Variants in OPCML observed in about 807,000 individuals in gnomAD.
OPCML encodes opioid-binding protein/cell adhesion molecule.
OPCML carries 13 observed loss-of-function variants against 37.8 expected under a neutral mutation model. The observed-to-expected ratio is 0.34, with a 90% confidence interval of 0.22 to 0.55. The LOEUF is 0.55. OPCML is among the 20% of genes least tolerant of loss of function. The pLI, the probability that OPCML is intolerant of heterozygous loss-of-function variation, is 0.91. For missense variants in OPCML, 341 were observed against 435.6 expected (o/e 0.78, Z 1.93); for synonymous variants, 176 against 168.8 (o/e 1.04, Z -0.33).
At chr11:133,069,063 G>A (rs753451153) in intron 1 of OPCML, among the ~76,000 whole-genome samples, 5 of 152,184 alleles carry the variant, frequency 3.3e-5, no homozygotes, top group Non-Finnish European at 7.3e-5. Flanking sequence ...CTCAACCTCA[G>A]ATTTACTGAG....
chr11:132,795,179 G>A (rs1413060254), intron 2 of OPCML, among the ~76,000 whole-genome samples: 3 of 151,726 alleles, frequency 2.0e-5, no homozygotes, highest in Non-Finnish European at 2.9e-5. Context: ...TGAGTACATG[G>A]GTGTTAGCTG....
intron 1 of OPCML, among the ~76,000 whole-genome samples, chr11:133,092,201 C>A (rs949208001): frequency 3.3e-5 from 5 of 152,314 alleles, no homozygotes; most frequent in South Asian, 4.1e-4. Flanking sequence ...CTTCCCCAGA[C>A]ACCAACCTCT....
intron 2 of OPCML, among the ~76,000 whole-genome samples, chr11:132,905,225 CT>C (rs373679886): frequency 9.3e-4 from 82 of 88,366 alleles, no homozygotes; most frequent in East Asian, 2.9e-3. Flanking sequence ...GAAAGCAGTT[CT>C]TTTTTTTTTT....
At chr11:133,093,800 T>C (rs532123678) in intron 1 of OPCML, among the ~76,000 whole-genome samples, 5 of 151,894 alleles carry the variant, frequency 3.3e-5, no homozygotes, top group Admixed American at 6.6e-5. Flanking sequence ...ACAAGAGCCA[T>C]CAGAGTAATG....
At chr11:132,894,158 A>G (rs1187220945) in intron 2 of OPCML, among the ~76,000 whole-genome samples, 2 of 152,160 alleles carry the variant, frequency 1.3e-5, no homozygotes, top group African/African-American at 2.4e-5. Context: ...CCTTGCCTGA[A>G]ATACTTTTCA....
chr11:133,329,913 G>A (rs1303255218), intron 1 of OPCML, among the ~76,000 whole-genome samples: 2 of 152,104 alleles, frequency 1.3e-5, no homozygotes, highest in African/African-American at 4.8e-5. Context: ...CCTACAGAAT[G>A]GGAGAAAATT....
At chr11:133,259,839 A>G (rs57010661) in intron 1 of OPCML, among the ~76,000 whole-genome samples, 50,169 of 152,062 alleles carry the variant, frequency 0.33, 9,296 homozygotes, top group African/African-American at 0.5. Flanking sequence ...CTCATTCAAT[A>G]GATATTTACT....
chr11:132,749,372 CAAG>C (rs932372135), intron 2 of OPCML, among the ~76,000 whole-genome samples: 1 of 152,168 alleles, frequency 6.6e-6, no homozygotes, highest in Non-Finnish European at 1.5e-5. Context: ...GCCTAAGCAA[CAAG>C]AAGAATGAAC....
chr11:132,595,565 T>C (rs2096491183), intron 3 of OPCML, among the ~76,000 whole-genome samples: 3 of 152,180 alleles, frequency 2.0e-5, no homozygotes, highest in African/African-American at 7.2e-5. Flanking sequence ...AATCAACTAC[T>C]GCACTGGAAA....
chr11:133,212,562 C>T lies in OPCML; in HGVS notation c.62-269552G>A, dbSNP rs539121039. On this transcript the variant is annotated intron_variant, in intron 1 of 7. Coordinates refer to ENST00000524381, the MANE Select transcript of OPCML (RefSeq NM_001012393.5). The surrounding 1 kb of genome is among the most constrained non-coding windows in gnomAD (Gnocchi z 4.9). ...GTAACCTACTCTGCTCACCCCGCTG[C>T]ACTCTTGATCTCCCTTACTCTCTTT... Among the ~76,000 whole-genome samples, 11 of 152,332 alleles carry T rather than the reference C, an allele frequency of 7.2e-5. No individual in the cohort carries two copies. The South Asian group carries it at 2.3e-3, about 32-fold the overall frequency.
intron 1 of OPCML, among the ~76,000 whole-genome samples, chr11:133,290,627 G>A (rs1246868398): frequency 1.3e-5 from 2 of 152,304 alleles, no homozygotes; most frequent in Admixed American, 1.3e-4. Context: ...TGGCTGGTTT[G>A]GGATTGTGCC....
intron 1 of OPCML, among the ~76,000 whole-genome samples, chr11:133,413,027 T>G (rs970004184): frequency 7.2e-5 from 11 of 152,098 alleles, no homozygotes; most frequent in African/African-American, 2.7e-4. Flanking sequence ...CACAGGTTGA[T>G]GAGTGCAGCT....
At chr11:132,851,342 T>A (rs1941800836) in intron 2 of OPCML, among the ~76,000 whole-genome samples, 1 of 152,222 alleles carries the variant, frequency 6.6e-6, no homozygotes, top group African/African-American at 2.4e-5. Flanking sequence ...ATTAATTTTC[T>A]TTGTAATCCT....
intron 1 of OPCML, among the ~76,000 whole-genome samples, chr11:133,351,239 T>G (rs1944130477): frequency 6.6e-6 from 1 of 152,074 alleles, no homozygotes; most frequent in Non-Finnish European, 1.5e-5. Context: ...GAGAAAAGTG[T>G]TTTCTATATT....
At chr11:133,056,187 A>T (rs1472824923) in intron 1 of OPCML, among the ~76,000 whole-genome samples, 1 of 152,222 alleles carries the variant, frequency 6.6e-6, no homozygotes, top group Non-Finnish European at 1.5e-5. Flanking sequence ...AATGATTGTT[A>T]TTCTATATGT....
At chr11:133,115,954 A>G (rs1269153516) in intron 1 of OPCML, among the ~76,000 whole-genome samples, 1 of 148,650 alleles carries the variant, frequency 6.7e-6, no homozygotes, top group Admixed American at 6.9e-5. Flanking sequence ...TTTCTTAAAA[A>G]TAAGGACATT....
chr11:132,636,939 G>C (rs564559488), intron 3 of OPCML, among the ~76,000 whole-genome samples: 1 of 152,072 alleles, frequency 6.6e-6, no homozygotes, highest in African/African-American at 2.4e-5. Flanking sequence ...GTTCTAATAC[G>C]TTAGTAGAAA....
intron 4 of OPCML, among the ~76,000 whole-genome samples, chr11:132,468,016 C>A (rs1372920588): frequency 6.6e-6 from 1 of 152,134 alleles, no homozygotes; most frequent in Non-Finnish European, 1.5e-5. Flanking sequence ...TACAGTGTGT[C>A]CCTAATCTTG....
At chr11:132,763,177 G>T (rs982434368) in intron 2 of OPCML, among the ~76,000 whole-genome samples, 1 of 152,208 alleles carries the variant, frequency 6.6e-6, no homozygotes, top group African/African-American at 2.4e-5. Flanking sequence ...AGATGAACTG[G>T]GTACCTCAGT....
Sources: gnomAD v4.1 joint callset for allele counts (sites outside exome capture counted in the v4.1 genomes callset) on GRCh38, gnomAD v4.1.1 for gene constraint, Gnocchi (gnomAD v3.1) non-coding constraint, MANE v1.5 for transcripts, NCBI Gene and HGNC (gene_info 2026-07-23, HGNC 2026-07-21) for gene names.